The following FAM13A variants were observed in gnomAD, a reference collection of about 807,000 sequenced individuals.
FAM13A encodes the protein protein FAM13A.
A neutral mutation model predicts 129.6 loss-of-function variants in FAM13A; 76 were observed. The ratio of observed to expected loss-of-function variants is 0.59; its 90% confidence interval spans 0.49 to 0.71. The LOEUF (loss-of-function observed/expected upper bound fraction) is 0.71, where lower values mean the gene tolerates loss of function less well. Among genes scored for constraint, FAM13A ranks in the 30% least tolerant of loss-of-function variants. The pLI is 0.00. For synonymous variants in FAM13A, 443 were observed against 449.9 expected (o/e 0.98, Z 0.20); for missense variants, 1,108 against 1,249.3 (o/e 0.89, Z 1.70).
intron 10 of FAM13A, among the ~76,000 whole-genome samples, chr4:88,784,761 AT>A (rs930538748): frequency 2.7e-4 from 41 of 152,100 alleles, no homozygotes; most frequent in African/African-American, 8.9e-4. Context: ...ATTTCTTATG[AT>A]TTTTTTCAAA....
intron 5 of FAM13A, among the ~76,000 whole-genome samples, chr4:88,929,291 T>C (rs1234901693): frequency 3.3e-5 from 5 of 152,176 alleles, no homozygotes; most frequent in African/African-American, 7.2e-5. Flanking sequence ...TATTGATAAC[T>C]AGACTTTTTT....
intron 6 of FAM13A, among the ~76,000 whole-genome samples, chr4:88,880,573 A>G (rs1332426094): frequency 6.6e-6 from 1 of 152,092 alleles, no homozygotes; most frequent in East Asian, 1.9e-4. Flanking sequence ...CACCGAACGC[A>G]GAGTTTCCTG....
chr4:88,827,698 C>T (rs1733244666), intron 7 of FAM13A, among the ~76,000 whole-genome samples: 1 of 152,164 alleles, frequency 6.6e-6, no homozygotes, highest in Admixed American at 6.5e-5. Context: ...ATTGATTGAC[C>T]TGTCATGTTT....
intron 5 of FAM13A, among the ~76,000 whole-genome samples, chr4:88,910,677 G>T (rs1277412300): frequency 4.7e-5 from 7 of 148,738 alleles, no homozygotes; most frequent in Non-Finnish European, 7.4e-5. Flanking sequence ...TTGAGATGGA[G>T]TCTCGCTCTG....
At chr4:89,032,452 T>C (rs1393130670) in intron 1 of FAM13A, among the ~76,000 whole-genome samples, 1 of 152,178 alleles carries the variant, frequency 6.6e-6, no homozygotes, top group African/African-American at 2.4e-5. Flanking sequence ...CTTAAGGTTT[T>C]ACTGTTAGAA....
intron 6 of FAM13A, among the ~76,000 whole-genome samples, chr4:88,890,419 G>T (rs1745130279): frequency 6.6e-6 from 1 of 152,158 alleles, no homozygotes; most frequent in African/African-American, 2.4e-5. Context: ...GACTCTCATA[G>T]AGTCCCTTTT....
intron 4 of FAM13A, among the ~76,000 whole-genome samples, chr4:88,975,739 A>G (rs1234515730): frequency 1.3e-5 from 2 of 152,200 alleles, no homozygotes; most frequent in Non-Finnish European, 2.9e-5. Flanking sequence ...GTACTTAACA[A>G]CGGACTCTGT....
intron 7 of FAM13A, among the ~76,000 whole-genome samples, chr4:88,834,489 A>G (rs1734479153): frequency 6.6e-6 from 1 of 152,210 alleles, no homozygotes; most frequent in South Asian, 2.1e-4. Context: ...TCACTATTTA[A>G]ATAAAGAAAA....
At chr4:88,978,332 G>A (rs9307054) in intron 4 of FAM13A, among the ~76,000 whole-genome samples, 105,699 of 152,076 alleles carry the variant, frequency 0.7, 36,843 homozygotes, top group Middle Eastern at 0.79. Flanking sequence ...TTTACCATGA[G>A]GAATAGATAA....
intron 4 of FAM13A, among the ~76,000 whole-genome samples, chr4:88,959,287 T>C (rs557834537): frequency 9.2e-5 from 14 of 152,166 alleles, no homozygotes; most frequent in Non-Finnish European, 1.8e-4. Flanking sequence ...GTTTGAATAT[T>C]TGTCCCCACC....
intron 3 of FAM13A, among the ~76,000 whole-genome samples, chr4:88,993,278 TAAAC>T (rs1388446920): frequency 1.3e-5 from 2 of 152,180 alleles, no homozygotes; most frequent in African/African-American, 4.8e-5. Flanking sequence ...ATTATGAAAA[TAAAC>T]AAATAATGAA....
intron 4 of FAM13A, among the ~76,000 whole-genome samples, chr4:88,967,872 G>GC (rs1384286807): frequency 6.6e-6 from 1 of 152,200 alleles, no homozygotes; most frequent in African/African-American, 2.4e-5. Flanking sequence ...TTCCATGCTT[G>GC]TTTTTCCGGG....
intron 4 of FAM13A, 64 bp from the exon 5 acceptor site, chr4:88,938,305 T>C: frequency 2.3e-6 from 3 of 1,291,994 alleles, no homozygotes; most frequent in Non-Finnish European, 3.2e-6. Context: ...GCTAGCTGAC[T>C]CAGACTTGTA....
chr4:88,731,516 A>T, intron 22 of FAM13A, 88 bp from the exon 23 acceptor site: 1 of 724,142 alleles, frequency 1.4e-6, no homozygotes, highest in Non-Finnish European at 2.3e-6. Flanking sequence ...GGAGCTGTGC[A>T]GAAAGGGGAG....
chr4:88,831,026 T>C (rs990660885), intron 7 of FAM13A, among the ~76,000 whole-genome samples: 2 of 152,000 alleles, frequency 1.3e-5, no homozygotes, highest in African/African-American at 4.8e-5. Flanking sequence ...ACTGAGGGAC[T>C]ATAAAATTAT....
At chr4:88,951,335 C>G (rs1197318177) in intron 4 of FAM13A, among the ~76,000 whole-genome samples, 1 of 152,128 alleles carries the variant, frequency 6.6e-6, no homozygotes, top group Non-Finnish European at 1.5e-5. Context: ...TCTATGAACT[C>G]TGGCAAAATT....
At chr4:88,830,098 T>C (rs1578855674) in intron 7 of FAM13A, among the ~76,000 whole-genome samples, 1 of 152,276 alleles carries the variant, frequency 6.6e-6, no homozygotes, top group African/African-American at 2.4e-5. Context: ...CACTGGACCA[T>C]AACAAACTTC....
chr4:89,020,263 GTT>G (rs34554002), intron 3 of FAM13A, among the ~76,000 whole-genome samples, 195 bp downstream of exon 3: 6 of 142,800 alleles, frequency 4.2e-5, no homozygotes, highest in Admixed American at 7.2e-5. Context: ...AATAAAACTG[GTT>G]TTTTTTTTTC....
At chr4:88,898,063 C>T (rs985103010) in intron 6 of FAM13A, among the ~76,000 whole-genome samples, 2 of 152,080 alleles carry the variant, frequency 1.3e-5, no homozygotes, top group Non-Finnish European at 2.9e-5. Context: ...AATAAGTATG[C>T]ATTAATTATG....
Sources: allele counts gnomAD v4.1 joint callset (sites outside exome capture counted in the v4.1 genomes callset), GRCh38; gene constraint gnomAD v4.1.1; transcripts MANE v1.5; gene names NCBI Gene and HGNC (gene_info 2026-07-23, HGNC 2026-07-21).